The following ZNF544 variants were observed in gnomAD, a reference collection of about 807,000 sequenced individuals.
ZNF544 encodes the protein zinc finger protein 544.
ZNF544 carries 10 observed loss-of-function variants against 13.5 expected under a neutral mutation model. The observed-to-expected ratio is 0.74, with a 90% CI of 0.46 to 1.25. The LOEUF (loss-of-function observed/expected upper bound fraction) is 1.25. ZNF544 is among the 50% of genes most tolerant of loss of function. The pLI, the probability that ZNF544 is intolerant of heterozygous loss-of-function variation, is 0.00. For missense variants in ZNF544, 896 were observed against 845.6 expected (o/e 1.06, Z -0.74); for synonymous variants, 323 against 300.5 (o/e 1.07, Z -0.77).
intron 3 of ZNF544, among the ~76,000 whole-genome samples, chr19:58,241,291 C>T (rs1002599376): frequency 2.7e-5 from 4 of 148,316 alleles, no homozygotes; most frequent in Non-Finnish European, 5.9e-5. Flanking sequence ...GGATTACAGG[C>T]GTGAGCCAAT....
intron 6 of ZNF544, 72 bp downstream of exon 6, chr19:58,246,866 A>G: frequency 2.0e-6 from 3 of 1,475,692 alleles, no homozygotes; most frequent in African/African-American, 1.4e-5. Context: ...GCAGGGCCCC[A>G]GGGGCCAAGG....
chr19:58,277,177 T>A, intron 6 of ZNF544: 10 of 1,231,700 alleles, frequency 8.1e-6, no homozygotes, highest in Non-Finnish European at 1.0e-5. Context: ...ACCTGCTCCT[T>A]CTCAGGAACG....
At chr19:58,246,631 C>A in intron 5 of ZNF544, 80 bp from the exon 6 acceptor site, 1 of 1,549,004 alleles carries the variant, frequency 6.5e-7, no homozygotes, top group South Asian at 1.2e-5. Flanking sequence ...CGGGACAGCA[C>A]TAGGGGCTGA....
intron 3 of ZNF544, among the ~76,000 whole-genome samples, chr19:58,241,584 C>T (rs2043877128): frequency 6.6e-6 from 1 of 151,676 alleles, no homozygotes; most frequent in South Asian, 2.1e-4. Flanking sequence ...GCAAGCTCCG[C>T]CTCCTGGGTT....
At chr19:58,232,765 TAAA>T (rs529610316) in intron 3 of ZNF544, among the ~76,000 whole-genome samples, 5 of 108,172 alleles carry the variant, frequency 4.6e-5, no homozygotes, top group African/African-American at 9.9e-5. Flanking sequence ...CCGTCTCTAC[TAAA>T]AAAAAAAAAA....
chr19:58,269,872 G>A (rs1316511180), intron 5 of ZNF544, among the ~76,000 whole-genome samples: 2 of 152,180 alleles, frequency 1.3e-5, no homozygotes, highest in Non-Finnish European at 1.5e-5. Context: ...AATGAGTCTA[G>A]ATCATGCCAC....
At chr19:58,267,565 G>C (rs2050074218), downstream of ZNF544, 1 of 151,608 alleles carries the variant, frequency 6.6e-6, no homozygotes. Flanking sequence ...TTAGCTGAGT[G>C]TGGTGGTGGG....
At chr19:58,248,270 TTTC>T (rs1875081531) in intron 6 of ZNF544, among the ~76,000 whole-genome samples, 1 of 143,872 alleles carries the variant, frequency 7.0e-6, no homozygotes, top group African/African-American at 2.6e-5. Flanking sequence ...TGCTTTTTTT[TTTC>T]TTTTTTTTTT....
intron 5 of ZNF544, 95 bp downstream of exon 5, chr19:58,246,522 G>A: frequency 6.4e-7 from 1 of 1,554,454 alleles, no homozygotes; most frequent in Non-Finnish European, 8.7e-7. Context: ...GGAAGATACT[G>A]GAAGCAGGTC....
intron 3 of ZNF544, among the ~76,000 whole-genome samples, chr19:58,241,081 C>T (rs1458454707): frequency 8.7e-6 from 1 of 114,310 alleles, no homozygotes; most frequent in Non-Finnish European, 1.9e-5. Context: ...AAGCAATCAT[C>T]CTGCCTCAGT....
chr19:58,249,450 G>C (rs1162532761), intron 6 of ZNF544, among the ~76,000 whole-genome samples: 1 of 152,126 alleles, frequency 6.6e-6, no homozygotes. Context: ...AAGCTTGATG[G>C]TCTCTAGGTG....
chr19:58,264,698 C>T (rs181995), downstream of ZNF544, among the ~76,000 whole-genome samples: 33,747 of 148,672 alleles, frequency 0.23, 4,284 homozygotes, highest in East Asian at 0.57. Context: ...CTCAAAAAAA[C>T]AAACAAACAA....
At chr19:58,257,656 A>G (rs2047812054) in intron 6 of ZNF544, 1 of 152,060 alleles carries the variant, frequency 6.6e-6, no homozygotes, top group Non-Finnish European at 1.5e-5. Context: ...TTTCCTTTTG[A>G]TTCCGTTCAT....
chr19:58,277,284 A>T, exon 7 of ZNF544: 4 of 1,091,084 alleles, frequency 3.7e-6, no homozygotes, highest in Non-Finnish European at 4.4e-6. Flanking sequence ...GATCTGAGAG[A>T]GTGTGGCCAG....
At chr19:58,256,279 CTT>C (rs58025656) in intron 6 of ZNF544, among the ~76,000 whole-genome samples, 2 of 145,964 alleles carry the variant, frequency 1.4e-5, no homozygotes, top group Admixed American at 6.9e-5. Context: ...TGTTCTTTTA[CTT>C]TTTTTTTTTT....
At chr19:58,253,149 A>C (rs2046587852) in intron 6 of ZNF544, among the ~76,000 whole-genome samples, 1 of 152,248 alleles carries the variant, frequency 6.6e-6, no homozygotes, top group African/African-American at 2.4e-5. Flanking sequence ...AATGACCCAG[A>C]TATCCAATGA....
intron 5 of ZNF544, among the ~76,000 whole-genome samples, chr19:58,273,270 G>T (rs1004383348): frequency 2.6e-5 from 4 of 152,112 alleles, no homozygotes; most frequent in Admixed American, 6.6e-5. Flanking sequence ...ATTAATAATT[G>T]TGGGTATTTT....
intron 6 of ZNF544, 62 bp downstream of exon 6, chr19:58,246,856 G>T (rs2045337478): frequency 1.3e-6 from 2 of 1,538,586 alleles, no homozygotes; most frequent in East Asian, 2.3e-5. Context: ...AGAGCTCTCC[G>T]CAGGGCCCCA....
At chr19:58,249,633 G>A (rs1221804064) in intron 6 of ZNF544, among the ~76,000 whole-genome samples, 1 of 152,128 alleles carries the variant, frequency 6.6e-6, no homozygotes, top group Non-Finnish European at 1.5e-5. Flanking sequence ...GCCCAGTTGG[G>A]TAGTTTTTGG....
Sources: gnomAD v4.1 joint callset for allele counts (sites outside exome capture counted in the v4.1 genomes callset) on GRCh38, gnomAD v4.1.1 for gene constraint, MANE v1.5 for transcripts, NCBI Gene and HGNC (gene_info 2026-07-23, HGNC 2026-07-21) for gene names.